Variants in TYW1 observed in about 807,000 individuals in gnomAD.
The protein encoded by TYW1 is S-adenosyl-L-methionine-dependent tRNA 4-demethylwyosine synthase TYW1.
Under a neutral mutation model 96.2 loss-of-function variants are expected in TYW1, and 46 were observed. The ratio of observed to expected loss-of-function variants is 0.48; its 90% confidence interval spans 0.38 to 0.61. TYW1 has a LOEUF of 0.61. Ranked by LOEUF, TYW1 falls within the 20% of genes least tolerant of loss-of-function variation. The probability of loss-of-function intolerance (pLI) is 0.00; values close to 1 mark genes in which losing one functional copy is unlikely to be tolerated. For missense variants in TYW1, 684 were observed against 909.6 expected, an observed-to-expected ratio of 0.75 and a Z score of 3.19; for synonymous variants, 274 against 323.0, an observed-to-expected ratio of 0.85 and a Z score of 1.63.
In TYW1 at chr7:67,167,447, C is replaced by T. The variant is rs532365760; in HGVS notation, c.1699-15679C>T. 1.9e-4 allele frequency among the ~76,000 whole-genome samples: 21 copies of T among 112,778 alleles called. 1 individual carries two copies. The South Asian group carries it at 3.4e-3, about 18-fold the overall frequency. 74.0% of individuals were successfully genotyped at this position (112,778 alleles called of 152,430 possible). A position where few individuals can be genotyped will look rare whatever the true frequency, so the allele number is the denominator to read the frequency against. ...TTGCGGCACTGCACTCCAGCCTGGG[C>T]GACAGAGAGAGACTCTGTCTCAAAA... On this transcript the variant is annotated intron_variant, in intron 13 of 15. Transcript: ENST00000359626.
rs531977948 is a variant in TYW1, at chr7:67,172,567, T to C, written c.1699-10559T>C. On this transcript the variant is annotated intron_variant, in intron 13 of 15. Coordinates refer to ENST00000359626, the MANE Select transcript of TYW1 (RefSeq NM_018264.4). ...TCCCGAGTAGCTGGGATTACAGGTG[T>C]GTGCCACCACGCCTGGCTATTTTTT... 6.4e-4 allele frequency among the ~76,000 whole-genome samples: 97 copies of C among 151,928 alleles called. 1 individual carries two copies. Among genetic ancestry groups the C allele is most frequent in the Middle Eastern group, 3.4e-3 (1 of 294 alleles).
intron 12 of TYW1, among the ~76,000 whole-genome samples, chr7:67,115,742 G>A (rs987213353): frequency 2.6e-5 from 4 of 152,188 alleles, no homozygotes; most frequent in Non-Finnish European, 5.9e-5. Context: ...GATTGATAAG[G>A]CTGCTACTGA....
intron 6 of TYW1, among the ~76,000 whole-genome samples, chr7:67,024,354 A>G (rs1245682176): frequency 4.6e-5 from 7 of 151,978 alleles, no homozygotes; most frequent in Non-Finnish European, 8.8e-5. Context: ...TTTTGTAGCA[A>G]TGTGGTCTTG....
chr7:67,142,411 T>C (rs1363401268), intron 13 of TYW1, among the ~76,000 whole-genome samples: 1 of 151,708 alleles, frequency 6.6e-6, no homozygotes, highest in East Asian at 1.9e-4. Flanking sequence ...GCCAGTGCTA[T>C]TATTATTGTT....
At chr7:67,062,351 G>A (rs1795718354) in intron 9 of TYW1, among the ~76,000 whole-genome samples, 1 of 151,932 alleles carries the variant, frequency 6.6e-6, no homozygotes, top group Admixed American at 6.6e-5. Context: ...GGAGGTTGCA[G>A]TGAGCCAAGA....
rs575827866 is a variant in TYW1 at position 67,112,404 on chromosome 7, C to T, written c.1563-5079C>T. Among the ~76,000 whole-genome samples, 3 of 151,960 alleles carry T rather than the reference C, an allele frequency of 2.0e-5. No homozygotes were observed. In the South Asian group the frequency reaches 6.2e-4, roughly 32 times the overall value. ...GCCGAGGCAGGCAGATCACCTGAGGCCAGGAATTTAAGACCAGCCTGGCCA... is the reference window on the plus strand; with the variant it reads ...GCCGAGGCAGGCAGATCACCTGAGGTCAGGAATTTAAGACCAGCCTGGCCA... On this transcript the variant is annotated intron_variant, in intron 12 of 15. Transcript: ENST00000359626.
At chr7:67,077,025 C>T (rs1461893505) in intron 10 of TYW1, among the ~76,000 whole-genome samples, 3 of 151,970 alleles carry the variant, frequency 2.0e-5, no homozygotes, top group Non-Finnish European at 4.4e-5. Context: ...CCACTGGCCT[C>T]AGCCTCCCAA....
intron 15 of TYW1, among the ~76,000 whole-genome samples, chr7:67,230,747 G>C (rs148725882): frequency 0.014 from 2,051 of 148,522 alleles, 47 homozygotes; most frequent in African/African-American, 0.049. Context: ...CTACCTCCCG[G>C]GTTCAACCAA....
chr7:67,139,116 G>A (rs1430675069), intron 13 of TYW1, among the ~76,000 whole-genome samples: 3 of 152,074 alleles, frequency 2.0e-5, no homozygotes, highest in African/African-American at 4.8e-5. Context: ...TGCAGTGGCC[G>A]ATCTCGGCTC....
chr7:67,127,014 A>C (rs1384575140), intron 13 of TYW1, among the ~76,000 whole-genome samples: 1 of 151,746 alleles, frequency 6.6e-6, no homozygotes, highest in Non-Finnish European at 1.5e-5. Flanking sequence ...CTCTTTTCTT[A>C]GCATATTAAT....
chr7:67,045,800 ATTTAG>A, intron 7 of TYW1, among the ~76,000 whole-genome samples: 1 of 152,296 alleles, frequency 6.6e-6, no homozygotes, highest in East Asian at 1.9e-4. Flanking sequence ...CAGGGAGGCC[ATTTAG>A]TTTGGCTTTT....
At chr7:67,021,892 A>G (rs1481685896) in intron 6 of TYW1, among the ~76,000 whole-genome samples, 2 of 152,244 alleles carry the variant, frequency 1.3e-5, no homozygotes, top group Non-Finnish European at 2.9e-5. Context: ...ACCAGCAAAC[A>G]GGCTCACTGG....
intron 13 of TYW1, among the ~76,000 whole-genome samples, 164 bp downstream of exon 13, chr7:67,117,782 T>C (rs1797640100): frequency 1.3e-5 from 2 of 152,254 alleles, no homozygotes; most frequent in African/African-American, 4.8e-5. Flanking sequence ...GACTTCCTTC[T>C]TCAAGGAATT....
chr7:67,112,530 T>A (rs989221600), intron 12 of TYW1, among the ~76,000 whole-genome samples: 3 of 151,212 alleles, frequency 2.0e-5, no homozygotes, highest in Admixed American at 2.0e-4. Context: ...GTAGGAGAGT[T>A]GCTTGAACCC....
intron 3 of TYW1, among the ~76,000 whole-genome samples, chr7:67,000,028 C>T (rs1793325391): frequency 2.0e-5 from 3 of 151,760 alleles, no homozygotes; most frequent in Middle Eastern, 3.4e-3. Context: ...CTCTGCCTCT[C>T]GGGCTCAAGG....
intron 11 of TYW1, chr7:67,089,183 T>A: frequency 6.2e-4 from 322 of 522,624 alleles, no homozygotes; most frequent in East Asian, 8.3e-4. Context: ...AACCCCTCCC[T>A]CGCCACCCCT....
At chr7:67,151,408 A>G (rs1399686082) in intron 13 of TYW1, among the ~76,000 whole-genome samples, 1 of 151,946 alleles carries the variant, frequency 6.6e-6, no homozygotes, top group Non-Finnish European at 1.5e-5. Flanking sequence ...TTGTCTTTTA[A>G]TTCTTACTTG....
At chr7:67,009,733 C>T (rs1041456779) in intron 4 of TYW1, 49 bp downstream of exon 4, 10 of 1,436,196 alleles carry the variant, frequency 7.0e-6, no homozygotes, top group Non-Finnish European at 9.5e-6. Context: ...TTTAACTGAT[C>T]TGCAATCTTC....
rs147837614 is a variant in TYW1, at chr7:67,148,175, A to G, written c.1698+30557A>G. On this transcript the variant is annotated intron_variant, in intron 13 of 15. Coordinates refer to ENST00000359626, the MANE Select transcript of TYW1 (RefSeq NM_018264.4). The stretch of plus-strand genomic sequence containing the variant: ...TGGTTTGAAGTGGGGAGACTTGAAC[A>G]TGGACATGTAGGTAGAGAAGAAGAT... Among the ~76,000 whole-genome samples, 102 of 152,122 alleles carry G rather than the reference A, an allele frequency of 6.7e-4. 1 individual carries two copies. Among genetic ancestry groups the G allele is most frequent in the African/African-American group, 2.3e-3 (96 of 41,528 alleles).
Sources: gnomAD v4.1 joint callset for allele counts (sites outside exome capture counted in the v4.1 genomes callset) on GRCh38, gnomAD v4.1.1 for gene constraint, MANE v1.5 for transcripts, NCBI Gene and HGNC (gene_info 2026-07-23, HGNC 2026-07-21) for gene names.